GALNTL5: variants seen among roughly 807,000 people sequenced by gnomAD.
GALNTL5 encodes inactive polypeptide N-acetylgalactosaminyltransferase-like protein 5.
Under a neutral mutation model 51.0 loss-of-function variants are expected in GALNTL5, and 44 were observed. The observed-to-expected ratio is 0.86, with a 90% CI of 0.68 to 1.11. The LOEUF is 1.11. GALNTL5 is among the 50% of genes least tolerant of loss of function. GALNTL5 has a pLI of 0.00. For synonymous variants in GALNTL5, 192 were observed against 182.8 expected, an observed-to-expected ratio of 1.05 and a Z score of -0.41; for missense variants, 528 against 531.8, an observed-to-expected ratio of 0.99 and a Z score of 0.07.
At chr7:151,960,929 A>G (rs1242810623) in intron 1 of GALNTL5, among the ~76,000 whole-genome samples, 1 of 152,224 alleles carries the variant, frequency 6.6e-6, no homozygotes, top group Non-Finnish European at 1.5e-5. Flanking sequence ...CTTTGATGCC[A>G]TGGAATTGCT....
At chr7:151,990,180 T>C (rs2081409384) in intron 5 of GALNTL5, among the ~76,000 whole-genome samples, 1 of 151,816 alleles carries the variant, frequency 6.6e-6, no homozygotes, top group African/African-American at 2.4e-5. Context: ...GTAGCTGGGA[T>C]TACAGGTGCC....
chr7:151,958,788 G>A (rs758136450), intron 1 of GALNTL5, among the ~76,000 whole-genome samples: 26 of 152,174 alleles, frequency 1.7e-4, no homozygotes, highest in Non-Finnish European at 3.2e-4. Flanking sequence ...AGAAGAATGA[G>A]GTTACACAGA....
chr7:151,957,549 AAAAAAAAAAAAGAAAAG>A (rs1402605465), intron 1 of GALNTL5, among the ~76,000 whole-genome samples: 4 of 67,686 alleles, frequency 5.9e-5, no homozygotes, highest in Admixed American at 1.9e-4. Context: ...ACCCTGTCTC[AAAAAAAAAAAAGAAAAG>A]AAAAAAAAAA....
intron 8 of GALNTL5, among the ~76,000 whole-genome samples, chr7:152,018,340 A>G (rs1214883789): frequency 6.6e-6 from 1 of 152,180 alleles, no homozygotes; most frequent in Admixed American, 6.5e-5. Context: ...CTGTCTCCTC[A>G]TATTGGTTAT....
At chr7:152,004,134 C>A (rs184634569) in intron 6 of GALNTL5, among the ~76,000 whole-genome samples, 96 of 151,444 alleles carry the variant, frequency 6.3e-4, no homozygotes, top group Middle Eastern at 3.6e-3. Context: ...ACAACATATT[C>A]AATACTATTG....
At chr7:151,990,535 T>G (rs377298908) in intron 5 of GALNTL5, among the ~76,000 whole-genome samples, 1 of 104,828 alleles carries the variant, frequency 9.5e-6, no homozygotes, top group Non-Finnish European at 1.7e-5. Context: ...GAGCCGAGAT[T>G]GCGCCACTGC....
chr7:151,959,785 TG>T, intron 1 of GALNTL5, among the ~76,000 whole-genome samples: 1 of 152,224 alleles, frequency 6.6e-6, no homozygotes, highest in East Asian at 1.9e-4. Flanking sequence ...AGGAGGGTAC[TG>T]GGGGGAAGGT....
intron 5 of GALNTL5, among the ~76,000 whole-genome samples, chr7:151,998,818 C>T (rs989837177): frequency 5.4e-5 from 8 of 148,872 alleles, no homozygotes; most frequent in African/African-American, 7.5e-5. Context: ...GCAAAGTACA[C>T]GACAATTTCA....
intron 2 of GALNTL5, 68 bp downstream of exon 2, chr7:151,967,561 G>C: frequency 7.2e-7 from 1 of 1,397,384 alleles, no homozygotes; most frequent in Non-Finnish European, 1.0e-6. Flanking sequence ...TTAATATTTG[G>C]AAGAGTACGA....
intron 5 of GALNTL5, among the ~76,000 whole-genome samples, chr7:151,987,885 C>A (rs1295762408): frequency 1.3e-5 from 2 of 152,180 alleles, no homozygotes; most frequent in East Asian, 1.9e-4. Context: ...GTTAGGGAGA[C>A]CTGCAATGGG....
chr7:151,972,504 A>ATCTT (rs36114967), intron 3 of GALNTL5, among the ~76,000 whole-genome samples: 62 of 151,834 alleles, frequency 4.1e-4, no homozygotes, highest in Non-Finnish European at 6.6e-4. Flanking sequence ...CATTTCAGAG[A>ATCTT]CCATGGCAAC....
intron 8 of GALNTL5, among the ~76,000 whole-genome samples, chr7:152,016,432 C>G (rs990318374): frequency 1.3e-5 from 2 of 151,760 alleles, no homozygotes; most frequent in African/African-American, 4.8e-5. Flanking sequence ...CTTATGGGCC[C>G]GAGTGTCAGT....
At chr7:151,998,789 AAC>A (rs2081533858) in intron 5 of GALNTL5, among the ~76,000 whole-genome samples, 2 of 150,286 alleles carry the variant, frequency 1.3e-5, no homozygotes, top group Admixed American at 6.6e-5. Flanking sequence ...AAAAACAAAA[AAC>A]AAAACTACTC....
rs559733366 is a variant in GALNTL5, at chr7:152,018,293, C to T, written c.1177-1353C>T. On this transcript the variant is annotated intron_variant, in intron 8 of 8. Transcript: ENST00000392800. ...TCCAAATGATCTTCACTGTCTGTCT[C>T]GTCATCTGTGCTGCCATCAAATGTA... Among the ~76,000 whole-genome samples the T allele has an allele frequency of 1.6e-4, 24 of 152,342 alleles. No individual in the cohort carries two copies. In the East Asian group the frequency reaches 2.1e-3, roughly 13 times the overall value.
chr7:151,958,576 T>G (rs2080954024), intron 1 of GALNTL5, among the ~76,000 whole-genome samples: 1 of 152,094 alleles, frequency 6.6e-6, no homozygotes, highest in Non-Finnish European at 1.5e-5. Flanking sequence ...AAGGGGTGTG[T>G]TGCAGCTCAT....
At chr7:151,981,582 CTT>C (rs1454439745) in intron 3 of GALNTL5, among the ~76,000 whole-genome samples, 21 of 26,718 alleles carry the variant, frequency 7.9e-4, no homozygotes, top group South Asian at 5.0e-3. Context: ...TCCTTCCTTC[CTT>C]CCTTCCCTCC....
rs2081598737 is a variant in GALNTL5 at position 152,002,821 on chromosome 7, A to G, written c.766A>G (p.Ile256Val). The change falls in exon 6 of 9, where the codon ATA becomes GTA. Residue 256 changes from isoleucine (I) to valine (V), a missense_variant. Ile to Val is a conservative substitution (Grantham distance 29). Coordinates refer to ENST00000392800, the MANE Select transcript of GALNTL5 (RefSeq NM_145292.4). ...KDPKMVVCPL[I>V]DVIDDRTLEY... ...CCCCAAAATGGTGGTGTGCCCCCTG[A>G]TAGATGTCATTGATGATAGAACTCT... The G allele has an allele frequency of 6.2e-7, 1 of 1,614,098 alleles. No homozygotes were observed. Among genetic ancestry groups the G allele is most frequent in the Non-Finnish European group, 8.5e-7 (1 of 1,180,024 alleles).
intron 1 of GALNTL5, among the ~76,000 whole-genome samples, chr7:151,958,896 G>C (rs186127189): frequency 6.6e-6 from 1 of 152,196 alleles, no homozygotes; most frequent in South Asian, 2.1e-4. Flanking sequence ...CTGTGTGAGA[G>C]GGGGCTCAAA....
chr7:151,967,278 A>G lies in GALNTL5; in HGVS notation c.32A>G (p.Tyr11Cys), dbSNP rs367654553. The change falls in exon 2 of 9, where the codon TAT becomes TGT. Residue 11 changes from tyrosine (Y) to cysteine (C), a missense_variant. Physicochemically the swap from Tyr to Cys is radical, Grantham distance 194. Coordinates refer to ENST00000392800, the MANE Select transcript of GALNTL5 (RefSeq NM_145292.4). ...AATGCCATAATTCAAGGTTTATTCTATGGGTCCTTGACATTTGGGATCTGG... is the reference window on the plus strand; with the variant it reads ...AATGCCATAATTCAAGGTTTATTCTGTGGGTCCTTGACATTTGGGATCTGG... MRNAIIQGLF[Y>C]GSLTFGIWTA... The G allele has an allele frequency of 9.9e-6, 16 of 1,613,712 alleles. No homozygotes were observed. The highest frequency in any genetic ancestry group is 3.3e-5 in the Admixed American group (2 of 59,970).
Sources: gnomAD v4.1 joint callset for allele counts (sites outside exome capture counted in the v4.1 genomes callset) on GRCh38, gnomAD v4.1.1 for gene constraint, MANE v1.5 for transcripts, NCBI Gene and HGNC (gene_info 2026-07-23, HGNC 2026-07-21) for gene names.